Variants in IGF1R observed in about 807,000 individuals in gnomAD.
IGF1R encodes the protein insulin-like growth factor 1 receptor.
In IGF1R, 44 loss-of-function variants were observed where a neutral mutation model predicts 144.6. That is an observed-to-expected ratio of 0.30 (90% CI 0.24 to 0.39). IGF1R has a LOEUF of 0.39. Ranked by LOEUF, IGF1R falls within the 10% of genes least tolerant of loss-of-function variation. The pLI, the probability that IGF1R is intolerant of heterozygous loss-of-function variation, is 1.00. For synonymous variants in IGF1R, 795 were observed against 722.8 expected, an observed-to-expected ratio of 1.10 and a Z score of -1.60; for missense variants, 1,355 against 1,833.7, an observed-to-expected ratio of 0.74 and a Z score of 4.77.
In IGF1R at chr15:98,726,794, A is replaced by C. The variant is rs140778279; in HGVS notation, c.640+18687A>C. Among the ~76,000 whole-genome samples the C allele has an allele frequency of 8.4e-3, 1,170 of 139,074 alleles. 9 individuals carry two copies. Among genetic ancestry groups the C allele is most frequent in the Admixed American group, 0.014 (170 of 12,286 alleles). 91.2% of individuals were successfully genotyped at this position (139,074 alleles called of 152,430 possible). A position where few individuals can be genotyped will look rare whatever the true frequency, so the allele number is the denominator to read the frequency against. On this transcript the variant is annotated intron_variant, in intron 2 of 20. Transcript: ENST00000650285. ...GAGTGCAATGGTGTGATCTTGGCTC[A>C]CTGCAACTTCCGCCTCCCGGGTTCA...
At position 98,939,219 on chromosome 15, in the gene IGF1R, C is replaced by G. The variant is rs769508411; in HGVS notation, c.3316C>G (p.Pro1106Ala). The change falls in exon 18 of 21, where the codon CCT becomes GCT. Residue 1106 changes from proline to alanine, a missense_variant. Physicochemically the swap from Pro to Ala is conservative, Grantham distance 27. Around this residue, in one of 7 missense-constraint regions of IGF1R, gnomAD observed 45 missense variants for 43.5 expected, o/e 1.03. Transcript: ENST00000650285. The part of the protein sequence containing the change: ...PEMENNPVLA[P>A]PSLSKMIQMA... ...CCAACAGAATAATCCAGTCCTAGCACCTCCAAGCCTGAGCAAGATGATTCA... is the reference window on the plus strand; with the variant it reads ...CCAACAGAATAATCCAGTCCTAGCAGCTCCAAGCCTGAGCAAGATGATTCA... 1.2e-6 allele frequency: 2 copies of G among 1,613,980 alleles called. No individual in the cohort carries two copies. The highest frequency in any genetic ancestry group is 1.1e-5 in the South Asian group (1 of 91,066).
chr15:98,843,417 A>G (rs2011211562), intron 2 of IGF1R, among the ~76,000 whole-genome samples: 1 of 152,222 alleles, frequency 6.6e-6, no homozygotes, highest in Non-Finnish European at 1.5e-5. Flanking sequence ...AATAAACAGG[A>G]CAGGGCCTTC....
intron 2 of IGF1R, among the ~76,000 whole-genome samples, chr15:98,828,524 C>T (rs1446868360): frequency 2.0e-5 from 3 of 152,000 alleles, no homozygotes; most frequent in Non-Finnish European, 2.9e-5. Flanking sequence ...CTTGGGAAAC[C>T]GTGGAGAGAG....
At chr15:98,875,546 CTTT>C (rs531702468) in intron 2 of IGF1R, among the ~76,000 whole-genome samples, 2 of 144,470 alleles carry the variant, frequency 1.4e-5, no homozygotes, top group Non-Finnish European at 3.0e-5. Context: ...TGTGTATGAA[CTTT>C]TTTTTTTTTT....
intron 2 of IGF1R, among the ~76,000 whole-genome samples, chr15:98,720,322 G>A (rs966225342): frequency 6.6e-6 from 1 of 152,176 alleles, no homozygotes; most frequent in Non-Finnish European, 1.5e-5. Context: ...CAGAAAGCAC[G>A]ATCTGGCCTC....
rs943066219 is a variant in IGF1R, at chr15:98,961,016, G to A, written c.*3574G>A. ...CTTACAGGCACTGATGATTTCGCTGGGAAGTGTGGCGGGCAGCTTTGCCTA... is the reference window on the plus strand; with the variant it reads ...CTTACAGGCACTGATGATTTCGCTGAGAAGTGTGGCGGGCAGCTTTGCCTA... On this transcript the variant is annotated 3_prime_UTR_variant, in exon 21 of 21. Transcript: ENST00000650285. 14 of 233,584 alleles carry A rather than the reference G, an allele frequency of 6.0e-5. No individual in the cohort carries two copies. The highest frequency in any genetic ancestry group is 8.5e-5 in the Non-Finnish European group (10 of 118,052). 14.5% of individuals were successfully genotyped at this position (233,584 alleles called of 1,614,324 possible). A position where few individuals can be genotyped will look rare whatever the true frequency, so the allele number is the denominator to read the frequency against.
intron 1 of IGF1R, among the ~76,000 whole-genome samples, chr15:98,664,434 G>C (rs368522688): frequency 1.3e-5 from 2 of 152,108 alleles, no homozygotes; most frequent in African/African-American, 4.8e-5. Context: ...GGAGGCCGAG[G>C]TGAGCGGATC....
intron 2 of IGF1R, among the ~76,000 whole-genome samples, chr15:98,821,748 G>A (rs2056807814): frequency 1.3e-5 from 2 of 152,190 alleles, no homozygotes; most frequent in Non-Finnish European, 2.9e-5. Flanking sequence ...ATTGATATCT[G>A]CAAGGATCTT....
At chr15:98,801,174 C>T (rs1017143178) in intron 2 of IGF1R, among the ~76,000 whole-genome samples, 2 of 152,124 alleles carry the variant, frequency 1.3e-5, no homozygotes, top group African/African-American at 4.8e-5. Flanking sequence ...CCCTCAAAGC[C>T]CTTGATAGTG....
At chr15:98,787,593 C>T (rs1037498940) in intron 2 of IGF1R, among the ~76,000 whole-genome samples, 2 of 151,990 alleles carry the variant, frequency 1.3e-5, no homozygotes, top group Non-Finnish European at 2.9e-5. Context: ...CACCCTAGGT[C>T]TCTTAAAACA....
intron 2 of IGF1R, among the ~76,000 whole-genome samples, chr15:98,766,921 C>T (rs2055450574): frequency 6.6e-6 from 1 of 152,174 alleles, no homozygotes; most frequent in African/African-American, 2.4e-5. Flanking sequence ...TAGAAAAACT[C>T]CAGCTCATCC....
intron 7 of IGF1R, 69 bp from the exon 8 acceptor site, chr15:98,912,975 T>G: frequency 9.9e-7 from 1 of 1,010,436 alleles, no homozygotes; most frequent in African/African-American, 1.6e-5. Flanking sequence ...ATGCTGGGCC[T>G]CTGGGGAAGA....
intron 2 of IGF1R, among the ~76,000 whole-genome samples, chr15:98,765,668 A>G (rs561889000): frequency 6.6e-6 from 1 of 152,270 alleles, no homozygotes; most frequent in Non-Finnish European, 1.5e-5. Flanking sequence ...ATACATCCCA[A>G]TAATAGAAGT....
chr15:98,683,942 C>T lies in IGF1R; in HGVS notation c.95-23620C>T, dbSNP rs74032518. Among the ~76,000 whole-genome samples the T allele has an allele frequency of 4.5e-3, 682 of 152,234 alleles. 3 individuals carry two copies. The highest frequency in any genetic ancestry group is 0.015 in the African/African-American group (641 of 41,530). On this transcript the variant is annotated intron_variant, in intron 1 of 20. Transcript: ENST00000650285. ...AAATGTGAGTGTCCTAATCACCTGG[C>T]GGGCGTAGATCTTTGGGATCCTCCT...
rs1343112884 is a variant in IGF1R, at chr15:98,924,027, G to A, written c.2622+15G>A. ...CACAAGTTGAGGTAGGACTGGGGCA[G>A]TGGCCCGTGCCTGCATGTACTTCCA... On this transcript the variant is annotated intron_variant, in intron 12 of 20. Coordinates refer to ENST00000650285, the MANE Select transcript of IGF1R (RefSeq NM_000875.5). 2.5e-6 allele frequency: 4 copies of A among 1,612,712 alleles called. No homozygotes were observed. The highest frequency in any genetic ancestry group is 3.4e-6 in the Non-Finnish European group (4 of 1,178,696).
chr15:98,897,902 G>A (rs983577459), intron 4 of IGF1R, among the ~76,000 whole-genome samples: 1 of 151,524 alleles, frequency 6.6e-6, no homozygotes, highest in Admixed American at 6.6e-5. Context: ...GAATTTTGGG[G>A]GGGGAATCCT....
intron 3 of IGF1R, among the ~76,000 whole-genome samples, chr15:98,894,293 G>T (rs373361740): frequency 6.6e-6 from 1 of 152,070 alleles, no homozygotes; most frequent in Admixed American, 6.6e-5. Context: ...TACACTTATG[G>T]TACAACCCAG....
intron 2 of IGF1R, among the ~76,000 whole-genome samples, chr15:98,756,032 G>A (rs1254122710): frequency 6.6e-6 from 1 of 152,010 alleles, no homozygotes; most frequent in Non-Finnish European, 1.5e-5. Context: ...TTGTTATGGT[G>A]TGATAATCTT....
At chr15:98,827,464 T>G (rs2056915182) in intron 2 of IGF1R, among the ~76,000 whole-genome samples, 1 of 152,176 alleles carries the variant, frequency 6.6e-6, no homozygotes, top group Non-Finnish European at 1.5e-5. Context: ...ATTCTAATGC[T>G]TATAAGGAGA....
Sources: allele counts gnomAD v4.1 joint callset (sites outside exome capture counted in the v4.1 genomes callset), GRCh38; gene constraint gnomAD v4.1.1; regional missense constraint gnomAD v4.1.1; transcripts MANE v1.5; gene names NCBI Gene and HGNC (gene_info 2026-07-23, HGNC 2026-07-21).